The following FCHSD2 variants were observed in gnomAD, a reference collection of about 807,000 sequenced individuals.
FCHSD2 encodes the protein F-BAR and double SH3 domains protein 2.
In FCHSD2, 38 loss-of-function variants were observed where a neutral mutation model predicts 108.1. That is an observed-to-expected ratio of 0.35 (90% CI 0.27 to 0.46). The LOEUF is 0.46. Among genes scored for constraint, FCHSD2 ranks in the 20% least tolerant of loss-of-function variants. FCHSD2 has a pLI of 1.00. For missense variants in FCHSD2, 751 were observed against 897.8 expected, an observed-to-expected ratio of 0.84 and a Z score of 2.09; for synonymous variants, 279 against 314.7, an observed-to-expected ratio of 0.89 and a Z score of 1.20.
intron 12 of FCHSD2, among the ~76,000 whole-genome samples, chr11:72,875,072 T>C (rs544228025): frequency 3.9e-5 from 6 of 152,334 alleles, no homozygotes; most frequent in African/African-American, 1.4e-4. Flanking sequence ...TGTAAAGCTA[T>C]AGTTGAATTT....
At chr11:72,958,555 T>C (rs1487372133) in intron 8 of FCHSD2, among the ~76,000 whole-genome samples, 10 of 152,114 alleles carry the variant, frequency 6.6e-5, no homozygotes, top group African/African-American at 1.2e-4. Context: ...CAAAAAACAG[T>C]TGTTGGATTC....
intron 2 of FCHSD2, among the ~76,000 whole-genome samples, chr11:73,126,346 A>AAAAAAAAAAAAAAAAAAAAAAC (rs1860858118): frequency 9.0e-6 from 1 of 111,480 alleles, no homozygotes; most frequent in Non-Finnish European, 1.8e-5. Flanking sequence ...TCTTAAAAAA[A>AAAAAAAAAAAAAAAAAAAAAAC]AAAAAAAAAA....
Position 73,083,815 on chromosome 11 carries a change from A to G in FCHSD2, c.120-75T>C, listed in dbSNP as rs1276587968. 6 of 907,256 alleles carry G rather than the reference A, an allele frequency of 6.6e-6. No homozygotes were observed. In the East Asian group the frequency reaches 1.6e-4, roughly 24 times the overall value. 56.2% of individuals were successfully genotyped at this position (907,256 alleles called of 1,614,324 possible). On this transcript the variant is annotated intron_variant, in intron 2 of 19. Coordinates refer to ENST00000409418, the MANE Select transcript of FCHSD2 (RefSeq NM_014824.3). The stretch of plus-strand genomic sequence containing the variant: ...AATGTAAATCTATCAACACACCTTC[A>G]AATACTGCCTGGTTAAGATATGTGA...
chr11:73,066,145 C>T (rs1423936213), intron 3 of FCHSD2, among the ~76,000 whole-genome samples: 1 of 152,184 alleles, frequency 6.6e-6, no homozygotes, highest in Admixed American at 6.5e-5. Flanking sequence ...GGTACCAAAA[C>T]AGATACATAG....
intron 8 of FCHSD2, among the ~76,000 whole-genome samples, chr11:72,972,860 C>T (rs1393293088): frequency 6.6e-6 from 1 of 152,122 alleles, no homozygotes; most frequent in Non-Finnish European, 1.5e-5. Flanking sequence ...CAAATGCTTC[C>T]CGAGCTTCAA....
intron 3 of FCHSD2, among the ~76,000 whole-genome samples, chr11:73,042,458 T>C (rs1217074093): frequency 6.6e-6 from 1 of 152,224 alleles, no homozygotes; most frequent in Non-Finnish European, 1.5e-5. Flanking sequence ...TTGGTTACAA[T>C]AGCTTTGTAG....
chr11:73,038,925 CT>C (rs1858564187), intron 3 of FCHSD2, among the ~76,000 whole-genome samples: 1 of 152,128 alleles, frequency 6.6e-6, no homozygotes, highest in African/African-American at 2.4e-5. Context: ...CTTTAGTGTT[CT>C]TTTTCCAGTA....
In FCHSD2 at chr11:72,840,379, T is replaced by G. The variant is rs986159993; in HGVS notation, c.2139+498A>C. On this transcript the variant is annotated intron_variant, in intron 19 of 19. Transcript: ENST00000409418. ...TATCCGACTGGATTACCGTGCAAGTTATGACCTTGGAGTACAGTGGTGGGT... is the reference window on the plus strand; with the variant it reads ...TATCCGACTGGATTACCGTGCAAGTGATGACCTTGGAGTACAGTGGTGGGT... Among the ~76,000 whole-genome samples, 8 of 152,206 alleles carry G rather than the reference T, an allele frequency of 5.3e-5. No homozygotes were observed. The East Asian group carries it at 1.5e-3, about 29-fold the overall frequency.
chr11:73,117,125 C>T (rs1263443056), intron 2 of FCHSD2, among the ~76,000 whole-genome samples: 1 of 152,132 alleles, frequency 6.6e-6, no homozygotes, highest in African/African-American at 2.4e-5. Flanking sequence ...ATAACAGAAG[C>T]TGGTATTTAT....
At chr11:73,007,063 T>C (rs2135424025) in intron 4 of FCHSD2, among the ~76,000 whole-genome samples, 1 of 152,320 alleles carries the variant, frequency 6.6e-6, no homozygotes, top group South Asian at 2.1e-4. Flanking sequence ...ACTATTTTTG[T>C]CTCCTATCTT....
chr11:72,974,444 T>C, intron 8 of FCHSD2, among the ~76,000 whole-genome samples: 1 of 152,204 alleles, frequency 6.6e-6, no homozygotes, highest in Non-Finnish European at 1.5e-5. Context: ...CATTGGGAAT[T>C]AGGTTTCCAA....
chr11:72,976,435 G>A (rs1287049624), intron 8 of FCHSD2, among the ~76,000 whole-genome samples: 9 of 152,016 alleles, frequency 5.9e-5, no homozygotes, highest in African/African-American at 1.9e-4. Context: ...GGGACTACAA[G>A]CACGTGCTAA....
intron 8 of FCHSD2, among the ~76,000 whole-genome samples, chr11:72,964,418 T>G (rs975668264): frequency 2.0e-5 from 3 of 152,222 alleles, no homozygotes; most frequent in East Asian, 3.9e-4. Context: ...CTGAGAAGTC[T>G]TCTTTACTCC....
In FCHSD2 at chr11:73,137,480, A is replaced by G. The variant is rs72984922; in HGVS notation, c.119+2551T>C. Among the ~76,000 whole-genome samples the G allele has an allele frequency of 7.1e-3, 1,078 of 152,344 alleles. 8 individuals carry two copies. Among genetic ancestry groups the G allele is most frequent in the African/African-American group, 0.025 (1,024 of 41,574 alleles). ...AGAGGCCCCTATAGCTCCCCTACAG[A>G]GTGTATACAGTATCTCACCCAAGAA... On this transcript the variant is annotated intron_variant, in intron 2 of 19. Transcript: ENST00000409418.
In FCHSD2 at chr11:73,076,982, C is replaced by T. The variant is rs757659717; in HGVS notation, c.165+6713G>A. On this transcript the variant is annotated intron_variant, in intron 3 of 19. Transcript: ENST00000409418. ...AAAATTAGCCAGGCATGGTGGCGGG[C>T]ACCTGTAGTCCCAGCTACTCAGGAG... Among the ~76,000 whole-genome samples the T allele has an allele frequency of 5.2e-4, 79 of 151,140 alleles. 1 individual carries two copies. The highest frequency in any genetic ancestry group is 4.1e-4 in the Non-Finnish European group (28 of 67,848).
chr11:73,075,773 C>T (rs1246249622), intron 3 of FCHSD2, among the ~76,000 whole-genome samples: 1 of 151,704 alleles, frequency 6.6e-6, no homozygotes, highest in Non-Finnish European at 1.5e-5. Flanking sequence ...CAAGATCATA[C>T]CACTGACAAG....
At chr11:72,997,151 G>A (rs995530527) in intron 5 of FCHSD2, among the ~76,000 whole-genome samples, 3 of 152,154 alleles carry the variant, frequency 2.0e-5, no homozygotes, top group African/African-American at 4.8e-5. Context: ...AAATCCAGTA[G>A]AGAACTATAG....
rs377728258 is a variant in FCHSD2 at position 72,948,879 on chromosome 11, A to G, written c.706-26929T>C. 1.1e-4 allele frequency among the ~76,000 whole-genome samples: 17 copies of G among 151,822 alleles called. No homozygotes were observed. The East Asian group carries it at 3.1e-3, about 28-fold the overall frequency. Reference sequence around the variant, plus strand: ...ATGGGGTTTCACCACGTTAGCTAGGATGGTCTGGATCTCCTGACCTCGTGA... The same window carrying G: ...ATGGGGTTTCACCACGTTAGCTAGGGTGGTCTGGATCTCCTGACCTCGTGA... On this transcript the variant is annotated intron_variant, in intron 8 of 19. Coordinates refer to ENST00000409418, the MANE Select transcript of FCHSD2 (RefSeq NM_014824.3).
At chr11:72,953,955 A>G (rs1220794335) in intron 8 of FCHSD2, among the ~76,000 whole-genome samples, 1 of 152,202 alleles carries the variant, frequency 6.6e-6, no homozygotes, top group Non-Finnish European at 1.5e-5. Flanking sequence ...TAGATGACCT[A>G]GGACTTTGAT....
Sources: gnomAD v4.1 joint callset for allele counts (sites outside exome capture counted in the v4.1 genomes callset) on GRCh38, gnomAD v4.1.1 for gene constraint, MANE v1.5 for transcripts, NCBI Gene and HGNC (gene_info 2026-07-23, HGNC 2026-07-21) for gene names.